The following MACROD2 variants were observed in gnomAD, a reference collection of about 807,000 sequenced individuals.
MACROD2 encodes the protein ADP-ribose glycohydrolase MACROD2.
MACROD2 carries 36 observed loss-of-function variants against 70.4 expected under a neutral mutation model. The observed-to-expected ratio is 0.51, with a 90% CI of 0.39 to 0.68. The LOEUF is 0.68. Ranked by LOEUF, MACROD2 falls within the 30% of genes least tolerant of loss-of-function variation. The pLI, the probability that MACROD2 is intolerant of heterozygous loss-of-function variation, is 0.00. For synonymous variants in MACROD2, 172 were observed against 178.8 expected (o/e 0.96, Z 0.30); for missense variants, 496 against 538.4 (o/e 0.92, Z 0.78).
At chr20:16,046,646 T>A (rs985614114) in intron 17 of MACROD2, among the ~76,000 whole-genome samples, 1 of 151,572 alleles carries the variant, frequency 6.6e-6, no homozygotes, top group African/African-American at 2.4e-5. Context: ...TGAACTCATA[T>A]GTTAACCCAA....
At chr20:15,068,438 A>T (rs2075594293) in intron 5 of MACROD2, among the ~76,000 whole-genome samples, 1 of 152,132 alleles carries the variant, frequency 6.6e-6, no homozygotes, top group Non-Finnish European at 1.5e-5. Context: ...TCTCCCCTCC[A>T]AGTCTCATAT....
intron 3 of MACROD2, among the ~76,000 whole-genome samples, chr20:14,342,747 T>G (rs2083027183): frequency 6.6e-6 from 1 of 152,184 alleles, no homozygotes; most frequent in South Asian, 2.1e-4. Context: ...ACACTTAAAA[T>G]GTACCTAAAA....
chr20:15,375,302 C>T (rs1485944487), intron 6 of MACROD2, among the ~76,000 whole-genome samples: 2 of 152,092 alleles, frequency 1.3e-5, no homozygotes, highest in Non-Finnish European at 2.9e-5. Flanking sequence ...ACTATCATTC[C>T]TATATAGGGC....
At chr20:15,572,271 T>C (rs1443230012) in intron 8 of MACROD2, among the ~76,000 whole-genome samples, 1 of 152,114 alleles carries the variant, frequency 6.6e-6, no homozygotes, top group African/African-American at 2.4e-5. Context: ...TGTTCACTCT[T>C]GTAAATCATA....
intron 2 of MACROD2, among the ~76,000 whole-genome samples, chr20:14,076,426 G>A (rs1357710920): frequency 2.0e-5 from 3 of 151,996 alleles, no homozygotes; most frequent in African/African-American, 7.2e-5. Flanking sequence ...CAAGGCGGGA[G>A]GATCACTTGA....
At chr20:15,101,534 C>CAAAATAAAA (rs1555782800) in intron 5 of MACROD2, among the ~76,000 whole-genome samples, 3 of 88,916 alleles carry the variant, frequency 3.4e-5, no homozygotes, top group Non-Finnish European at 6.2e-5. Context: ...GGTGTTGGTT[C>CAAAATAAAA]AAAAAAAAAA....
chr20:15,900,581 G>A (rs1424186885), intron 10 of MACROD2, among the ~76,000 whole-genome samples: 1 of 152,118 alleles, frequency 6.6e-6, no homozygotes, highest in African/African-American at 2.4e-5. Context: ...GAGAATGTGA[G>A]TATTAAGGCA....
chr20:14,789,118 A>C (rs575376332), intron 5 of MACROD2, among the ~76,000 whole-genome samples: 52 of 152,068 alleles, frequency 3.4e-4, no homozygotes, highest in Non-Finnish European at 7.1e-4. Flanking sequence ...CTTTATATTA[A>C]GGATTCTATT....
At chr20:15,914,967 A>T (rs548151827) in intron 10 of MACROD2, among the ~76,000 whole-genome samples, 14 of 150,604 alleles carry the variant, frequency 9.3e-5, no homozygotes, top group Non-Finnish European at 1.6e-4. Flanking sequence ...GTTGTAAATG[A>T]ACAGCCAGAT....
At chr20:14,405,439 G>A (rs2083681547) in intron 3 of MACROD2, among the ~76,000 whole-genome samples, 1 of 152,116 alleles carries the variant, frequency 6.6e-6, no homozygotes, top group Admixed American at 6.6e-5. Flanking sequence ...TATCCTATAG[G>A]CATCTCCAGT....
At chr20:15,432,914 G>T (rs1051142234) in intron 7 of MACROD2, among the ~76,000 whole-genome samples, 1 of 151,858 alleles carries the variant, frequency 6.6e-6, no homozygotes, top group African/African-American at 2.4e-5. Flanking sequence ...AAACAGAAAA[G>T]CAAAGGAAAA....
At chr20:15,687,301 TTA>T (rs1281715892) in intron 8 of MACROD2, among the ~76,000 whole-genome samples, 12 of 147,314 alleles carry the variant, frequency 8.1e-5, no homozygotes, top group Admixed American at 6.8e-5. Context: ...TATATATATT[TTA>T]TATATATATA....
chr20:14,618,519 C>A (rs1162361681), intron 4 of MACROD2, among the ~76,000 whole-genome samples: 1 of 152,122 alleles, frequency 6.6e-6, no homozygotes, highest in Non-Finnish European at 1.5e-5. Context: ...ATATTGTTGG[C>A]ACTCAATCTG....
intron 8 of MACROD2, among the ~76,000 whole-genome samples, chr20:15,649,929 T>C (rs553707041): frequency 3.4e-4 from 52 of 152,352 alleles, no homozygotes; most frequent in African/African-American, 1.2e-3. Flanking sequence ...TTCTTAATTA[T>C]GGTATACATA....
At chr20:14,460,615 G>C (rs1239236046) in intron 3 of MACROD2, among the ~76,000 whole-genome samples, 1 of 151,986 alleles carries the variant, frequency 6.6e-6, no homozygotes, top group Non-Finnish European at 1.5e-5. Context: ...AATTTATTGT[G>C]AGTTTTTAGC....
chr20:14,205,111 C>G (rs1005296890), intron 3 of MACROD2, among the ~76,000 whole-genome samples: 1 of 152,168 alleles, frequency 6.6e-6, no homozygotes, highest in African/African-American at 2.4e-5. Flanking sequence ...GAACAGGAAC[C>G]CTGATTGGAA....
intron 5 of MACROD2, among the ~76,000 whole-genome samples, chr20:15,213,481 T>G (rs538449453): frequency 6.6e-6 from 1 of 152,104 alleles, no homozygotes; most frequent in Non-Finnish European, 1.5e-5. Flanking sequence ...AAGGGAGGTC[T>G]TCTCCCCAAA....
At chr20:15,696,394 C>G (rs1402963246) in intron 8 of MACROD2, among the ~76,000 whole-genome samples, 1 of 152,084 alleles carries the variant, frequency 6.6e-6, no homozygotes, top group East Asian at 1.9e-4. Flanking sequence ...GGTATGAAAC[C>G]CATTTGATCA....
chr20:15,888,377 T>C (rs2064847538), intron 10 of MACROD2, among the ~76,000 whole-genome samples: 1 of 152,152 alleles, frequency 6.6e-6, no homozygotes, highest in South Asian at 2.1e-4. Context: ...CCTGCTCACA[T>C]GAAATGTCCT....
Sources: allele counts gnomAD v4.1 joint callset (sites outside exome capture counted in the v4.1 genomes callset), GRCh38; gene constraint gnomAD v4.1.1; transcripts MANE v1.5; gene names NCBI Gene and HGNC (gene_info 2026-07-23, HGNC 2026-07-21).